RABGAP1L: variants seen among roughly 807,000 people sequenced by gnomAD.
RABGAP1L encodes the protein rab GTPase-activating protein 1-like.
RABGAP1L carries 63 observed loss-of-function variants against 137.7 expected under a neutral mutation model. That is an observed-to-expected ratio of 0.46 (90% CI 0.37 to 0.56). RABGAP1L has a LOEUF of 0.56. Ranked by LOEUF, RABGAP1L falls within the 20% of genes least tolerant of loss-of-function variation. RABGAP1L has a pLI of 0.00. For missense variants in RABGAP1L, 1,095 were observed against 1,244.0 expected, an observed-to-expected ratio of 0.88 and a Z score of 1.80; for synonymous variants, 431 against 433.7, an observed-to-expected ratio of 0.99 and a Z score of 0.08.
At chr1:174,613,068 C>A (rs1038844638) in intron 13 of RABGAP1L, among the ~76,000 whole-genome samples, 7 of 150,832 alleles carry the variant, frequency 4.6e-5, no homozygotes, top group African/African-American at 1.7e-4. Flanking sequence ...CAGTTCTGCT[C>A]TGATTTTAGT....
intron 14 of RABGAP1L, among the ~76,000 whole-genome samples, chr1:174,682,178 GGCT>G (rs1678111617): frequency 6.6e-6 from 1 of 151,884 alleles, no homozygotes; most frequent in African/African-American, 2.4e-5. Flanking sequence ...CTACTCAGGG[GGCT>G]GAGGCAGGAA....
intron 20 of RABGAP1L, chr1:174,964,814 G>C: frequency 7.2e-7 from 1 of 1,385,350 alleles, no homozygotes; most frequent in South Asian, 1.6e-5. Context: ...AGAGAACTTA[G>C]AGTTATATGA....
intron 13 of RABGAP1L, among the ~76,000 whole-genome samples, chr1:174,452,314 C>T (rs1655536642): frequency 6.6e-6 from 1 of 152,098 alleles, no homozygotes; most frequent in Non-Finnish European, 1.5e-5. Context: ...TCATAATTGA[C>T]ACTATTAGTA....
At chr1:174,622,551 G>C (rs1473467152) in intron 13 of RABGAP1L, among the ~76,000 whole-genome samples, 1 of 152,200 alleles carries the variant, frequency 6.6e-6, no homozygotes, top group Non-Finnish European at 1.5e-5. Flanking sequence ...CATGTCCTTT[G>C]TAGGGACATG....
chr1:174,279,382 T>G (rs537263854), intron 10 of RABGAP1L, among the ~76,000 whole-genome samples: 11 of 152,310 alleles, frequency 7.2e-5, no homozygotes, highest in Non-Finnish European at 1.5e-4. Flanking sequence ...GCTAATTGTG[T>G]GAGTTTTTAA....
At chr1:174,894,820 G>A (rs1356683339) in intron 19 of RABGAP1L, among the ~76,000 whole-genome samples, 4 of 152,078 alleles carry the variant, frequency 2.6e-5, no homozygotes, top group Admixed American at 2.6e-4. Flanking sequence ...GCAGTGACAC[G>A]ATCTTGACTC....
At chr1:174,782,389 A>G (rs1417212473) in intron 18 of RABGAP1L, among the ~76,000 whole-genome samples, 1 of 152,154 alleles carries the variant, frequency 6.6e-6, no homozygotes, top group East Asian at 1.9e-4. Context: ...GTGTATAAGA[A>G]TACTTGTGAT....
intron 11 of RABGAP1L, among the ~76,000 whole-genome samples, chr1:174,329,196 C>T (rs981208095): frequency 1.3e-5 from 2 of 152,062 alleles, no homozygotes; most frequent in African/African-American, 2.4e-5. Flanking sequence ...TCATAAGAAA[C>T]TGCTATGAAC....
chr1:174,486,446 G>A (rs1044853475), intron 13 of RABGAP1L, among the ~76,000 whole-genome samples: 8 of 149,704 alleles, frequency 5.3e-5, no homozygotes, highest in Middle Eastern at 3.2e-3. Context: ...TCCTGGGTTC[G>A]TGCCATTCTC....
chr1:174,944,550 T>G (rs904833170), intron 19 of RABGAP1L, among the ~76,000 whole-genome samples: 46 of 151,352 alleles, frequency 3.0e-4, no homozygotes, highest in African/African-American at 1.1e-3. Context: ...GGTGAGAGGA[T>G]TTCTTGAGCC....
chr1:174,309,276 G>T (rs909578404), intron 11 of RABGAP1L, among the ~76,000 whole-genome samples: 4 of 152,022 alleles, frequency 2.6e-5, no homozygotes, highest in Admixed American at 1.3e-4. Flanking sequence ...TTTAGGGTTT[G>T]CTATAAATAA....
chr1:174,540,066 T>C (rs1665246084), intron 13 of RABGAP1L, among the ~76,000 whole-genome samples: 1 of 152,244 alleles, frequency 6.6e-6, no homozygotes, highest in African/African-American at 2.4e-5. Flanking sequence ...TTTTTTCATG[T>C]GTCTTTTGGC....
intron 13 of RABGAP1L, among the ~76,000 whole-genome samples, chr1:174,568,828 A>G (rs1462553454): frequency 2.0e-5 from 3 of 152,208 alleles, no homozygotes; most frequent in Non-Finnish European, 4.4e-5. Context: ...ATAATTTGGG[A>G]TTTGGAAAAG....
At chr1:174,473,044 T>C (rs1336227060) in intron 13 of RABGAP1L, among the ~76,000 whole-genome samples, 1 of 152,214 alleles carries the variant, frequency 6.6e-6, no homozygotes, top group Non-Finnish European at 1.5e-5. Context: ...TTAACCCTAA[T>C]TATTGTCTTC....
At chr1:174,877,795 A>G (rs894093113) in intron 19 of RABGAP1L, among the ~76,000 whole-genome samples, 5 of 152,228 alleles carry the variant, frequency 3.3e-5, no homozygotes, top group Non-Finnish European at 5.9e-5. Context: ...TGATGCTTTC[A>G]TATATAATGA....
chr1:174,577,134 A>G (rs1011205315), intron 13 of RABGAP1L, among the ~76,000 whole-genome samples: 9 of 151,630 alleles, frequency 5.9e-5, no homozygotes, highest in African/African-American at 9.7e-5. Flanking sequence ...ACAATGAGCT[A>G]TGATAGCTCC....
intron 13 of RABGAP1L, among the ~76,000 whole-genome samples, chr1:174,502,345 A>G (rs1465996857): frequency 2.0e-5 from 3 of 151,518 alleles, no homozygotes; most frequent in Non-Finnish European, 2.9e-5. Context: ...TCACTACTCC[A>G]CTGACAATGA....
At chr1:174,225,494 C>CTTTTTTTTTTT (rs59323156) in intron 3 of RABGAP1L, among the ~76,000 whole-genome samples, 1 of 105,732 alleles carries the variant, frequency 9.5e-6, no homozygotes, top group African/African-American at 3.5e-5. Context: ...AGAATGTTGA[C>CTTTTTTTTTTT]TTTTTTTTTT....
intron 19 of RABGAP1L, among the ~76,000 whole-genome samples, chr1:174,896,251 G>C (rs1558203500): frequency 6.6e-6 from 1 of 152,212 alleles, no homozygotes; most frequent in African/African-American, 2.4e-5. Context: ...CTTTTGAGAA[G>C]TGTCTGTTCA....
Sources: gnomAD v4.1 joint callset for allele counts (sites outside exome capture counted in the v4.1 genomes callset) on GRCh38, gnomAD v4.1.1 for gene constraint, MANE v1.5 for transcripts, NCBI Gene and HGNC (gene_info 2026-07-23, HGNC 2026-07-21) for gene names.